PKN2: variants seen among roughly 807,000 people sequenced by gnomAD.
PKN2 encodes protein kinase N2.
PKN2 carries 38 observed loss-of-function variants against 119.1 expected under a neutral mutation model. That is an observed-to-expected ratio of 0.32 (90% CI 0.25 to 0.42). PKN2 has a LOEUF of 0.42. Among genes scored for constraint, PKN2 ranks in the 10% least tolerant of loss-of-function variants. The probability of loss-of-function intolerance (pLI) is 1.00; values close to 1 mark genes in which losing one functional copy is unlikely to be tolerated. For synonymous variants in PKN2, 390 were observed against 384.9 expected (o/e 1.01, Z -0.15); for missense variants, 850 against 1,165.1 (o/e 0.73, Z 3.94).
chr1:88,788,815 T>C (rs977725031), intron 8 of PKN2, among the ~76,000 whole-genome samples: 11 of 152,194 alleles, frequency 7.2e-5, no homozygotes, highest in African/African-American at 2.7e-4. Flanking sequence ...GGGTTACTCT[T>C]TTATATTTTC....
At chr1:88,778,970 G>C (rs1010120242) in intron 6 of PKN2, among the ~76,000 whole-genome samples, 1 of 152,152 alleles carries the variant, frequency 6.6e-6, no homozygotes, top group Admixed American at 6.5e-5. Flanking sequence ...TGATCCGCCC[G>C]CCTTGGTCTC....
At chr1:88,827,860 C>G (rs1672571213) in intron 18 of PKN2, among the ~76,000 whole-genome samples, 1 of 151,974 alleles carries the variant, frequency 6.6e-6, no homozygotes, top group Admixed American at 6.6e-5. Flanking sequence ...GCTGAGATTA[C>G]AGGCGGGAGC....
At chr1:88,735,297 T>C (rs1668294771) in intron 1 of PKN2, among the ~76,000 whole-genome samples, 1 of 152,034 alleles carries the variant, frequency 6.6e-6, no homozygotes, top group South Asian at 2.1e-4. Context: ...TATCTGGGAC[T>C]ACAGCCACAC....
At chr1:88,746,593 A>G (rs1338253282) in intron 2 of PKN2, among the ~76,000 whole-genome samples, 1 of 152,142 alleles carries the variant, frequency 6.6e-6, no homozygotes, top group African/African-American at 2.4e-5. Context: ...GCTATTATCA[A>G]AAAAATGGAA....
chr1:88,776,429 G>GT (rs1216575000), intron 6 of PKN2, among the ~76,000 whole-genome samples: 1 of 150,750 alleles, frequency 6.6e-6, no homozygotes. Flanking sequence ...TGGCAATTTT[G>GT]TTTTTTTCCA....
chr1:88,826,899 A>G (rs1217247580), intron 18 of PKN2, among the ~76,000 whole-genome samples: 2 of 152,172 alleles, frequency 1.3e-5, no homozygotes, highest in Non-Finnish European at 2.9e-5. Flanking sequence ...TTAATACTAT[A>G]TCACTGTTTT....
intron 10 of PKN2, 80 bp downstream of exon 10, chr1:88,805,001 C>CA (rs1449269478): frequency 1.5e-6 from 1 of 667,660 alleles, no homozygotes. Context: ...TAATAGCCAT[C>CA]TGTGTGGGTT....
At chr1:88,733,633 T>A (rs2100730840) in intron 1 of PKN2, among the ~76,000 whole-genome samples, 2 of 152,338 alleles carry the variant, frequency 1.3e-5, no homozygotes, top group South Asian at 4.1e-4. Flanking sequence ...ATGACTGGCA[T>A]CCTTGCTCTG....
intron 8 of PKN2, among the ~76,000 whole-genome samples, chr1:88,790,818 A>G (rs762808725): frequency 5.3e-5 from 8 of 151,224 alleles, no homozygotes; most frequent in Non-Finnish European, 1.0e-4. Context: ...TGATCCTGTG[A>G]TTTTCTTTTG....
chr1:88,785,970 A>G (rs1183041033), intron 7 of PKN2, 134 bp from the exon 8 acceptor site: 2 of 577,394 alleles, frequency 3.5e-6, no homozygotes, highest in East Asian at 2.9e-5. Flanking sequence ...TTAAGATTCA[A>G]AAGTTTTAAT....
rs550969055 is a variant in PKN2 at position 88,685,738 on chromosome 1, T to C, written c.48+1110T>C. Among the ~76,000 whole-genome samples the C allele has an allele frequency of 2.3e-4, 35 of 152,332 alleles. No homozygotes were observed. The South Asian group carries it at 2.7e-3, about 12-fold the overall frequency. On this transcript the variant is annotated intron_variant, in intron 1 of 21. Transcript: ENST00000370521. Reference sequence around the variant, plus strand: ...GAAAAAAATAGCATGCCTGCATTTCTTTTTGTGTGTTGGACAGTTAATTTT... The same window carrying C: ...GAAAAAAATAGCATGCCTGCATTTCCTTTTGTGTGTTGGACAGTTAATTTT...
chr1:88,812,738 A>G (rs991215383), intron 15 of PKN2, among the ~76,000 whole-genome samples: 5 of 152,094 alleles, frequency 3.3e-5, no homozygotes, highest in Admixed American at 3.3e-4. Flanking sequence ...ATCCTGTCTC[A>G]AAAAAACACA....
In PKN2 at chr1:88,833,538, T is replaced by A. The variant is rs954889749; in HGVS notation, c.*90T>A. 2.1e-6 allele frequency: 2 copies of A among 947,428 alleles called. No homozygotes were observed. Among genetic ancestry groups the A allele is most frequent in the Non-Finnish European group, 3.3e-6 (2 of 611,422 alleles). 58.7% of individuals were successfully genotyped at this position (947,428 alleles called of 1,614,324 possible). ...TTTGCTCTCTGTGCCACCAATAGCTTCTGAGTTTTTTGTTGTTGTTGTTTT... is the reference window on the plus strand; with the variant it reads ...TTTGCTCTCTGTGCCACCAATAGCTACTGAGTTTTTTGTTGTTGTTGTTTT... On this transcript the variant is annotated 3_prime_UTR_variant, in exon 22 of 22. Transcript: ENST00000370521.
chr1:88,696,604 A>C (rs1032441768), intron 1 of PKN2, among the ~76,000 whole-genome samples: 6 of 152,186 alleles, frequency 3.9e-5, no homozygotes, highest in Non-Finnish European at 8.8e-5. Context: ...TTAGATGAGA[A>C]AATCTGAGTG....
At chr1:88,722,391 C>G (rs1230573908) in intron 1 of PKN2, among the ~76,000 whole-genome samples, 1 of 152,064 alleles carries the variant, frequency 6.6e-6, no homozygotes, top group Non-Finnish European at 1.5e-5. Context: ...TTATGTTTCC[C>G]AATACATATG....
At chr1:88,822,118 T>TC in intron 17 of PKN2, 115 bp downstream of exon 17, 1 of 961,056 alleles carries the variant, frequency 1.0e-6, no homozygotes, top group Non-Finnish European at 1.4e-6. Flanking sequence ...GTTTTCTCCT[T>TC]CACCTGTAAG....
intron 16 of PKN2, among the ~76,000 whole-genome samples, chr1:88,814,822 A>G (rs1241577007): frequency 6.6e-6 from 1 of 152,152 alleles, no homozygotes; most frequent in African/African-American, 2.4e-5. Flanking sequence ...GTAAATCTCT[A>G]TTGTATTTAC....
At chr1:88,742,361 G>C (rs1668608967) in intron 2 of PKN2, among the ~76,000 whole-genome samples, 4 of 152,068 alleles carry the variant, frequency 2.6e-5, no homozygotes, top group Admixed American at 2.6e-4. Context: ...TAGTGTTCTT[G>C]TTAAAACTTG....
intron 2 of PKN2, among the ~76,000 whole-genome samples, chr1:88,748,801 G>T (rs1668874423): frequency 6.6e-6 from 1 of 152,066 alleles, no homozygotes; most frequent in Admixed American, 6.5e-5. Flanking sequence ...CAAGTATGGT[G>T]GTGTGCACCT....
Sources: gnomAD v4.1 joint callset for allele counts (sites outside exome capture counted in the v4.1 genomes callset) on GRCh38, gnomAD v4.1.1 for gene constraint, MANE v1.5 for transcripts, NCBI Gene and HGNC (gene_info 2026-07-23, HGNC 2026-07-21) for gene names.